The following RELN variants were observed in gnomAD, a reference collection of about 807,000 sequenced individuals.
The protein encoded by RELN is reelin.
Under a neutral mutation model 427.6 loss-of-function variants are expected in RELN, and 108 were observed. The observed-to-expected ratio is 0.25, with a 90% CI of 0.22 to 0.30. RELN has a LOEUF of 0.30. Among genes scored for constraint, RELN ranks in the 10% least tolerant of loss-of-function variants. The pLI is 1.00. For missense variants in RELN, 3,715 were observed against 4,302.8 expected (o/e 0.86, Z 3.82); for synonymous variants, 1,524 against 1,513.4 (o/e 1.01, Z -0.16).
chr7:103,643,566 C>G (rs1055528606), intron 16 of RELN, among the ~76,000 whole-genome samples: 1 of 151,980 alleles, frequency 6.6e-6, no homozygotes, highest in Non-Finnish European at 1.5e-5. Context: ...AGCAGCTATT[C>G]ATAGCTAATC....
chr7:103,899,233 C>G (rs1375275498), intron 2 of RELN, among the ~76,000 whole-genome samples: 1 of 152,046 alleles, frequency 6.6e-6, no homozygotes, highest in Non-Finnish European at 1.5e-5. Flanking sequence ...CCTCCCAAGA[C>G]TAAACCAGGA....
At chr7:103,648,926 T>TA (rs1197970166) in intron 16 of RELN, among the ~76,000 whole-genome samples, 1 of 151,806 alleles carries the variant, frequency 6.6e-6, no homozygotes, top group Non-Finnish European at 1.5e-5. Context: ...CATTAAAAAG[T>TA]AAAAAAATAA....
rs542141374 is a variant in RELN, at chr7:103,936,377, G to A, written c.227-19192C>T. Among the ~76,000 whole-genome samples the A allele has an allele frequency of 1.1e-4, 17 of 152,258 alleles. No individual in the cohort carries two copies. In the East Asian group the frequency reaches 3.3e-3, roughly 29 times the overall value. On this transcript the variant is annotated intron_variant, in intron 1 of 64. Transcript: ENST00000428762. ...CAAAGTGATGGGATTACAGGTGTGA[G>A]CCACTGCACCTCGCCTGGCTTCTAA... is the stretch of plus-strand genomic sequence containing the variant.
chr7:103,925,368 A>G (rs1365417267), intron 1 of RELN, among the ~76,000 whole-genome samples: 2 of 152,178 alleles, frequency 1.3e-5, no homozygotes, highest in African/African-American at 4.8e-5. Flanking sequence ...AAATTCTACA[A>G]ATAATGATAA....
intron 2 of RELN, among the ~76,000 whole-genome samples, chr7:103,909,734 A>T (rs1256510581): frequency 3.3e-5 from 1 of 30,606 alleles, no homozygotes; most frequent in Non-Finnish European, 6.0e-5. Context: ...TATATTTTTT[A>T]ATATATATAA....
chr7:103,601,281 G>A lies in RELN; in HGVS notation c.3333+2023C>T, dbSNP rs181204674. ...GTGCAATGCATTTTGATAACTGAGC[G>A]ACTATTATCTTTAACAATAATCATC... On this transcript the variant is annotated intron_variant, in intron 24 of 64. Coordinates refer to ENST00000428762, the MANE Select transcript of RELN (RefSeq NM_005045.4). Among the ~76,000 whole-genome samples, 38 of 152,148 alleles carry A rather than the reference G, an allele frequency of 2.5e-4. 1 individual carries two copies. The highest frequency in any genetic ancestry group is 3.4e-3 in the Middle Eastern group (1 of 294).
chr7:103,542,377 G>A (rs944666095), intron 43 of RELN, among the ~76,000 whole-genome samples: 1 of 152,188 alleles, frequency 6.6e-6, no homozygotes, highest in South Asian at 2.1e-4. Context: ...CATAGCGCAA[G>A]TGCTAATGAA....
intron 6 of RELN, among the ~76,000 whole-genome samples, chr7:103,742,847 T>C (rs1453160928): frequency 6.6e-6 from 1 of 152,134 alleles, no homozygotes; most frequent in Non-Finnish European, 1.5e-5. Flanking sequence ...TGCAGGATAT[T>C]ATCCAGGAGA....
intron 20 of RELN, among the ~76,000 whole-genome samples, chr7:103,614,222 G>A (rs1832030269): frequency 1.3e-5 from 2 of 152,178 alleles, no homozygotes; most frequent in South Asian, 4.2e-4. Context: ...TGTTCAACTG[G>A]TAGAATAGGA....
At chr7:103,642,354 T>G (rs200137058) in intron 16 of RELN, among the ~76,000 whole-genome samples, 4,882 of 147,726 alleles carry the variant, frequency 0.033, 109 homozygotes, top group East Asian at 0.13. Flanking sequence ...ATAGTGTTTT[T>G]TTTTTTTTTT....
At chr7:103,920,863 C>T (rs1284396180) in intron 1 of RELN, among the ~76,000 whole-genome samples, 1 of 152,100 alleles carries the variant, frequency 6.6e-6, no homozygotes, top group South Asian at 2.1e-4. Flanking sequence ...CATGAGCCAC[C>T]ATACCCACCT....
At chr7:103,595,453 T>G (rs1562912135) in intron 25 of RELN, among the ~76,000 whole-genome samples, 1 of 152,218 alleles carries the variant, frequency 6.6e-6, no homozygotes, top group Admixed American at 6.5e-5. Flanking sequence ...GCATGTCTAC[T>G]TATGTTTTAT....
intron 11 of RELN, among the ~76,000 whole-genome samples, chr7:103,672,553 T>C (rs1175234902): frequency 6.6e-6 from 1 of 152,072 alleles, no homozygotes; most frequent in Non-Finnish European, 1.5e-5. Context: ...AAGGAGGAAG[T>C]AGTACATCTC....
intron 9 of RELN, 75 bp downstream of exon 9, chr7:103,700,835 T>C: frequency 1.1e-6 from 1 of 896,074 alleles, no homozygotes; most frequent in Non-Finnish European, 1.9e-6. Flanking sequence ...AAGTTAGTGG[T>C]GGATTGAAGG....
At position 103,619,493 on chromosome 7, in the gene RELN, C is replaced by G. The variant is rs533581031; in HGVS notation, c.2703-7690G>C. 2.2e-4 allele frequency among the ~76,000 whole-genome samples: 34 copies of G among 152,264 alleles called. No homozygotes were observed. In the South Asian group the frequency reaches 6.7e-3, roughly 30 times the overall value. On this transcript the variant is annotated intron_variant, in intron 20 of 64. Coordinates refer to ENST00000428762, the MANE Select transcript of RELN (RefSeq NM_005045.4). Reference sequence around the variant, plus strand: ...TACCCAACATTCCAGATGCCAGCAGCTAATTCCAAAAACTTTAACAAATAT... The same window carrying G: ...TACCCAACATTCCAGATGCCAGCAGGTAATTCCAAAAACTTTAACAAATAT...
At chr7:103,654,706 GTTTTACA>G (rs1273152668) in intron 12 of RELN, among the ~76,000 whole-genome samples, 1 of 151,962 alleles carries the variant, frequency 6.6e-6, no homozygotes, top group Non-Finnish European at 1.5e-5. Flanking sequence ...AATGCAATTT[GTTTTACA>G]TTTTTCATTT....
intron 7 of RELN, among the ~76,000 whole-genome samples, chr7:103,725,144 T>C (rs1038862572): frequency 3.3e-5 from 5 of 152,198 alleles, no homozygotes; most frequent in African/African-American, 1.2e-4. Context: ...GAAATCACTG[T>C]AGGTCAAAGC....
chr7:103,742,867 A>G (rs931885927), intron 6 of RELN, among the ~76,000 whole-genome samples: 1 of 152,188 alleles, frequency 6.6e-6, no homozygotes, highest in Admixed American at 6.5e-5. Flanking sequence ...AACTTCCCCA[A>G]TCTAGCAAGG....
At chr7:103,739,058 T>C (rs1423500447) in intron 6 of RELN, among the ~76,000 whole-genome samples, 1 of 152,212 alleles carries the variant, frequency 6.6e-6, no homozygotes, top group Middle Eastern at 3.2e-3. Context: ...TTCCTCTTTA[T>C]TGCCGAATGT....
Sources: allele counts gnomAD v4.1 joint callset (sites outside exome capture counted in the v4.1 genomes callset), GRCh38; gene constraint gnomAD v4.1.1; transcripts MANE v1.5; gene names NCBI Gene and HGNC (gene_info 2026-07-23, HGNC 2026-07-21).